CADM2: variants seen among roughly 807,000 people sequenced by gnomAD.
The protein encoded by CADM2 is immunoglobulin superfamily member 4D.
A neutral mutation model predicts 49.8 loss-of-function variants in CADM2; 12 were observed. The ratio of observed to expected loss-of-function variants is 0.24; its 90% CI spans 0.15 to 0.39. CADM2 has a LOEUF of 0.39. CADM2 is among the 10% of genes least tolerant of loss of function. The probability of loss-of-function intolerance (pLI) is 1.00; values close to 1 mark genes in which losing one functional copy is unlikely to be tolerated. For missense variants in CADM2, 378 were observed against 492.3 expected, an observed-to-expected ratio of 0.77 and a Z score of 2.20; for synonymous variants, 214 against 175.4, an observed-to-expected ratio of 1.22 and a Z score of -1.74.
chr3:85,786,544 C>A (rs2070999906), intron 2 of CADM2, among the ~76,000 whole-genome samples: 1 of 152,002 alleles, frequency 6.6e-6, no homozygotes, highest in Non-Finnish European at 1.5e-5. Flanking sequence ...GAAAATACAT[C>A]CTTTTAACCA....
chr3:85,043,798 A>G (rs2035540945), intron 1 of CADM2, among the ~76,000 whole-genome samples: 1 of 152,178 alleles, frequency 6.6e-6, no homozygotes, highest in African/African-American at 2.4e-5. Flanking sequence ...GGGGTACACA[A>G]AGCCACTTAG....
intron 1 of CADM2, among the ~76,000 whole-genome samples, chr3:85,038,466 G>A (rs1028072592): frequency 6.6e-6 from 1 of 152,188 alleles, no homozygotes; most frequent in Admixed American, 6.5e-5. Flanking sequence ...ATAGCACTGT[G>A]TTTAAGAATT....
intron 2 of CADM2, among the ~76,000 whole-genome samples, chr3:85,732,094 CAAAAA>C (rs3044020): frequency 6.9e-4 from 63 of 90,800 alleles, no homozygotes; most frequent in African/African-American, 2.6e-3. Context: ...CTAAGAATAC[CAAAAA>C]AAAAAAAAAA....
At chr3:85,798,474 G>C (rs900354156) in intron 2 of CADM2, among the ~76,000 whole-genome samples, 2 of 152,132 alleles carry the variant, frequency 1.3e-5, no homozygotes, top group African/African-American at 4.8e-5. Context: ...TCCAGTTTCA[G>C]TTTTCTGCAT....
chr3:85,916,978 A>G (rs1035860544), intron 6 of CADM2, among the ~76,000 whole-genome samples: 8 of 151,888 alleles, frequency 5.3e-5, no homozygotes, highest in Non-Finnish European at 8.8e-5. Flanking sequence ...TTCTTTTGAG[A>G]AGTGTCTGTT....
At chr3:86,034,079 G>A (rs917292410) in intron 8 of CADM2, among the ~76,000 whole-genome samples, 14 of 151,670 alleles carry the variant, frequency 9.2e-5, no homozygotes, top group Non-Finnish European at 1.9e-4. Flanking sequence ...CGTTTACAGA[G>A]ATTAAAAATA....
At position 84,959,276 on chromosome 3, in the gene CADM2, G is replaced by A. The variant is rs2030205407; in HGVS notation, c.-332G>A. On this transcript the variant is annotated 5_prime_UTR_variant, in exon 1 of 10. Transcript: ENST00000383699. ...CGGCATCCCTGCACCACCTGCTCGG[G>A]CAGCCCCGGCGGGCTCTGGGACTTG... 13 of 472,084 alleles carry A rather than the reference G, an allele frequency of 2.8e-5. No individual in the cohort carries two copies. In the South Asian group the frequency reaches 3.0e-4, roughly 11 times the overall value. 29.2% of individuals were successfully genotyped at this position (472,084 alleles called of 1,614,324 possible). A position where few individuals can be genotyped will look rare whatever the true frequency, so the allele number is the denominator to read the frequency against.
chr3:85,957,555 C>T (rs1724215646), intron 7 of CADM2, among the ~76,000 whole-genome samples: 1 of 151,754 alleles, frequency 6.6e-6, no homozygotes, highest in African/African-American at 2.4e-5. Context: ...GTTTCCCCCA[C>T]CAACAATCAG....
chr3:85,634,818 A>G, intron 1 of CADM2, among the ~76,000 whole-genome samples: 1 of 152,074 alleles, frequency 6.6e-6, no homozygotes, highest in South Asian at 2.1e-4. Context: ...CTTGACAGAA[A>G]CTACATAGCA....
chr3:85,792,841 T>C (rs928865325), intron 2 of CADM2, among the ~76,000 whole-genome samples: 2 of 152,240 alleles, frequency 1.3e-5, no homozygotes, highest in Admixed American at 1.3e-4. Context: ...GATCTCTCTT[T>C]ACTACTTCGC....
At chr3:85,834,703 C>T (rs994673884) in intron 3 of CADM2, among the ~76,000 whole-genome samples, 2 of 150,616 alleles carry the variant, frequency 1.3e-5, no homozygotes, top group Admixed American at 6.6e-5. Context: ...ATTGTAGTCT[C>T]ATTTGCTGGG....
intron 8 of CADM2, among the ~76,000 whole-genome samples, chr3:86,019,504 C>A (rs1169041930): frequency 6.7e-6 from 1 of 149,826 alleles, no homozygotes; most frequent in African/African-American, 2.5e-5. Flanking sequence ...TTCTTCCTAC[C>A]CATGAGCATG....
intron 1 of CADM2, among the ~76,000 whole-genome samples, chr3:85,678,522 A>G (rs948308249): frequency 5.3e-5 from 8 of 152,152 alleles, no homozygotes; most frequent in African/African-American, 1.7e-4. Flanking sequence ...ACGATGTCAG[A>G]TTGATCTCTT....
chr3:85,654,174 C>G (rs960601119), intron 1 of CADM2, among the ~76,000 whole-genome samples: 1 of 152,136 alleles, frequency 6.6e-6, no homozygotes, highest in Admixed American at 6.5e-5. Context: ...AGCAGAGGCA[C>G]TGGGTGTTCA....
chr3:85,858,886 G>A (rs1464548723), intron 3 of CADM2, among the ~76,000 whole-genome samples: 1 of 152,122 alleles, frequency 6.6e-6, no homozygotes, highest in Non-Finnish European at 1.5e-5. Flanking sequence ...TAGAAAAAAA[G>A]TAACAAAACA....
chr3:85,733,111 T>C (rs1371038582), intron 2 of CADM2, among the ~76,000 whole-genome samples: 1 of 152,208 alleles, frequency 6.6e-6, no homozygotes, highest in Non-Finnish European at 1.5e-5. Context: ...TTTCTCATTC[T>C]TTTAAAACTC....
intron 1 of CADM2, among the ~76,000 whole-genome samples, chr3:85,268,150 C>T (rs1276600825): frequency 1.3e-5 from 2 of 151,220 alleles, no homozygotes; most frequent in Non-Finnish European, 3.0e-5. Context: ...ACAATTGAAC[C>T]GATGTCTTAG....
intron 2 of CADM2, among the ~76,000 whole-genome samples, chr3:85,784,982 A>T (rs1424168610): frequency 6.6e-6 from 1 of 151,890 alleles, no homozygotes; most frequent in African/African-American, 2.4e-5. Flanking sequence ...ATCTTTTCAG[A>T]TTTTGTATTT....
chr3:85,581,610 T>G (rs748357623), intron 1 of CADM2, among the ~76,000 whole-genome samples: 7 of 152,156 alleles, frequency 4.6e-5, no homozygotes, highest in Non-Finnish European at 1.0e-4. Flanking sequence ...ACCTTTAATT[T>G]AAGAGGGCAT....
Sources: gnomAD v4.1 joint callset for allele counts (sites outside exome capture counted in the v4.1 genomes callset) on GRCh38, gnomAD v4.1.1 for gene constraint, MANE v1.5 for transcripts, NCBI Gene and HGNC (gene_info 2026-07-23, HGNC 2026-07-21) for gene names.